TRIP13: variants seen among roughly 807,000 people sequenced by gnomAD.
TRIP13 encodes the protein pachytene checkpoint protein 2 homolog.
Under a neutral mutation model 54.4 loss-of-function variants are expected in TRIP13, and 25 were observed. The observed-to-expected ratio is 0.46, with a 90% CI of 0.33 to 0.64. TRIP13 has a LOEUF of 0.64. Ranked by LOEUF, TRIP13 falls within the 30% of genes least tolerant of loss-of-function variation. The probability of loss-of-function intolerance (pLI) is 0.02; values close to 1 mark genes in which losing one functional copy is unlikely to be tolerated. For missense variants in TRIP13, 373 were observed against 534.2 expected, an observed-to-expected ratio of 0.70 and a Z score of 2.97; for synonymous variants, 207 against 207.8, an observed-to-expected ratio of 1.00 and a Z score of 0.03.
intron 5 of TRIP13, among the ~76,000 whole-genome samples, chr5:903,035 C>T (rs774064321): frequency 1.9e-4 from 29 of 152,198 alleles, no homozygotes; most frequent in Non-Finnish European, 3.4e-4. Flanking sequence ...CACTGAAGCA[C>T]AGCATCACAG....
chr5:900,436 G>A (rs752775031), intron 3 of TRIP13, 58 bp from the exon 4 acceptor site: 25 of 1,567,640 alleles, frequency 1.6e-5, no homozygotes, highest in Non-Finnish European at 2.1e-5. Flanking sequence ...AGACTGACTG[G>A]GGGTGGCTGT....
chr5:908,232 C>T lies in TRIP13; in HGVS notation c.760-123C>T. ...CCTTTCCACCTTGCCGCAGCATCCG[C>T]AGGCTAGGCACGGGAACACCCATTC... On this transcript the variant is annotated intron_variant, in intron 8 of 12. Transcript: ENST00000166345. This position sits in a 1 kb window ranked among gnomAD's most constrained non-coding sequence, Gnocchi z 5.2. 2.1e-6 allele frequency: 3 copies of T among 1,402,350 alleles called. No individual in the cohort carries two copies. Among genetic ancestry groups the T allele is most frequent in the East Asian group, 2.3e-5 (1 of 43,530 alleles). 86.9% of individuals were successfully genotyped at this position (1,402,350 alleles called of 1,614,324 possible). A position where few individuals can be genotyped will look rare whatever the true frequency, so the allele number is the denominator to read the frequency against.
intron 9 of TRIP13, among the ~76,000 whole-genome samples, chr5:909,331 G>A (rs955402430): frequency 1.3e-4 from 20 of 152,198 alleles, no homozygotes; most frequent in African/African-American, 4.1e-4. Context: ...CAGGACTCAG[G>A]TTCCTTCTGT....
At chr5:916,957 C>A in intron 12 of TRIP13, 51 bp from the exon 13 acceptor site, 3 of 1,566,652 alleles carry the variant, frequency 1.9e-6, no homozygotes, top group South Asian at 1.1e-5. Flanking sequence ...TGCCAGATGG[C>A]CCCACCAAAC....
chr5:899,825 C>G (rs1351397183), intron 3 of TRIP13, among the ~76,000 whole-genome samples: 1 of 106,302 alleles, frequency 9.4e-6, no homozygotes, highest in Non-Finnish European at 1.7e-5. Flanking sequence ...TTTGGATGGG[C>G]TCTGGCAGGC....
intron 6 of TRIP13, among the ~76,000 whole-genome samples, chr5:905,759 C>T (rs1027282943): frequency 2.0e-5 from 3 of 152,324 alleles, no homozygotes; most frequent in Admixed American, 6.5e-5. Context: ...GTATGACTAG[C>T]GGAAATCCTG....
chr5:905,931 G>C (rs1165655479), intron 6 of TRIP13, among the ~76,000 whole-genome samples: 1 of 152,194 alleles, frequency 6.6e-6, no homozygotes, highest in African/African-American at 2.4e-5. Flanking sequence ...ATCTCTAGGG[G>C]CATGCCAGCA....
chr5:904,893 T>C (rs1754082095), intron 6 of TRIP13, among the ~76,000 whole-genome samples: 1 of 152,228 alleles, frequency 6.6e-6, no homozygotes. Context: ...AACCCCATAA[T>C]AGCTGTTTTA....
intron 6 of TRIP13, among the ~76,000 whole-genome samples, chr5:905,946 G>A (rs1006247095): frequency 2.0e-5 from 3 of 152,146 alleles, no homozygotes; most frequent in Non-Finnish European, 4.4e-5. Flanking sequence ...CCAGCATGGC[G>A]GCTCAATGCC....
chr5:909,428 G>A (rs938199544), intron 9 of TRIP13, among the ~76,000 whole-genome samples: 1 of 152,216 alleles, frequency 6.6e-6, no homozygotes, highest in Non-Finnish European at 1.5e-5. Context: ...ACAGCAGACT[G>A]AACTGTGCAG....
At position 896,746 on chromosome 5, in the gene TRIP13, G is replaced by A. The variant is rs1354193921; in HGVS notation, c.340G>A (p.Glu114Lys). Residue 114 changes from glutamate to lysine, a missense_variant, in exon 3 of 13, where the codon GAA (glutamate) becomes AAA (lysine). Glu to Lys is a moderately conservative substitution (Grantham distance 56). Around this residue, in one of 4 missense-constraint regions of TRIP13, gnomAD observed 151 missense variants for 151.9 expected, o/e 0.99. Transcript: ENST00000166345. The stretch of plus-strand genomic sequence containing the variant: ...TGGCCCCAGCAGTGAAAATCTGGAG[G>A]AAGAGACAGAAAACATAATTGCAGC... ...EDGPSSENLE[E>K]ETENIIAANH... 1.2e-6 allele frequency: 2 copies of A among 1,613,938 alleles called. No homozygotes were observed. Among genetic ancestry groups the A allele is most frequent in the Non-Finnish European group, 1.7e-6 (2 of 1,179,882 alleles).
In TRIP13 at chr5:907,125, C is replaced by A; in HGVS notation, c.609-5C>A. ...AATTCTCTCAACTCCTTTTTTCTAT[C>A]TCAGGTACCGATATGGCCAATTAAT... On this transcript the variant is annotated splice_polypyrimidine_tract_variant and splice_region_variant and intron_variant, in intron 6 of 12. Coordinates refer to ENST00000166345, the MANE Select transcript of TRIP13 (RefSeq NM_004237.4). The surrounding 1 kb of genome is among the most constrained non-coding windows in gnomAD (Gnocchi z 4.1). 1 of 1,613,500 alleles carries A rather than the reference C, an allele frequency of 6.2e-7. No homozygotes were observed. Among genetic ancestry groups the A allele is most frequent in the Admixed American group, 1.7e-5 (1 of 59,896 alleles).
chr5:896,879 T>C, intron 3 of TRIP13, 85 bp downstream of exon 3: 2 of 1,426,256 alleles, frequency 1.4e-6, no homozygotes, highest in Non-Finnish European at 9.4e-7. Flanking sequence ...GGGGGGGTTC[T>C]GTTTGTCCAT....
In TRIP13 at chr5:907,574, C is replaced by T. The variant is rs1754141287; in HGVS notation, c.672+381C>T. On this transcript the variant is annotated intron_variant, in intron 7 of 12. Coordinates refer to ENST00000166345, the MANE Select transcript of TRIP13 (RefSeq NM_004237.4). This position sits in a 1 kb window ranked among gnomAD's most constrained non-coding sequence, Gnocchi z 4.1. ...CTCTGAGGAGCTGTGCCCAAGTCACCTGGCATCCGCACATCCCTCTGGTGA... is the reference window on the plus strand; with the variant it reads ...CTCTGAGGAGCTGTGCCCAAGTCACTTGGCATCCGCACATCCCTCTGGTGA... 6.6e-6 allele frequency among the ~76,000 whole-genome samples: 1 copy of T among 152,240 alleles called. No homozygotes were observed. The highest frequency in any genetic ancestry group is 1.5e-5 in the Non-Finnish European group (1 of 68,040).
Position 907,361 on chromosome 5 carries a change from G to A in TRIP13, c.672+168G>A, listed in dbSNP as rs541255627. On this transcript the variant is annotated intron_variant, in intron 7 of 12. Transcript: ENST00000166345. This position sits in a 1 kb window ranked among gnomAD's most constrained non-coding sequence, Gnocchi z 4.1. ...GAAGGTTCCGGAGCTGGGGCCCTTGGGGACCCTCCCTTGGTTCTCCCCAGA... is the reference window on the plus strand; with the variant it reads ...GAAGGTTCCGGAGCTGGGGCCCTTGAGGACCCTCCCTTGGTTCTCCCCAGA... Among the ~76,000 whole-genome samples the A allele has an allele frequency of 4.0e-4, 61 of 152,322 alleles. No homozygotes were observed. Among genetic ancestry groups the A allele is most frequent in the African/African-American group, 1.4e-3 (60 of 41,552 alleles).
chr5:910,157 G>GC (rs1335744272), intron 9 of TRIP13, among the ~76,000 whole-genome samples: 1 of 152,116 alleles, frequency 6.6e-6, no homozygotes, highest in Non-Finnish European at 1.5e-5. Flanking sequence ...TCTGGCTCCT[G>GC]CCCCCGCCGC....
At position 912,019 on chromosome 5, in the gene TRIP13, C is replaced by G. The variant is rs775565009; in HGVS notation, c.1020+23C>G. ...AAGGTACCTTTATTTTTTTTTTCCT[C>G]TTGATACAAATGGATTTCTTATATG... On this transcript the variant is annotated intron_variant, in intron 10 of 12. Coordinates refer to ENST00000166345, the MANE Select transcript of TRIP13 (RefSeq NM_004237.4). The surrounding 1 kb of genome is among the most constrained non-coding windows in gnomAD (Gnocchi z 7.2). 1 of 1,595,180 alleles carries G rather than the reference C, an allele frequency of 6.3e-7. No individual in the cohort carries two copies. The highest frequency in any genetic ancestry group is 1.8e-5 in the Admixed American group (1 of 54,882).
chr5:914,504 C>G lies in TRIP13; in HGVS notation c.1060C>G (p.Arg354Gly), dbSNP rs376882637. ...CCCTCGCCAGCAGCTGCTGACCCTCCGAGAGCTAGAGATGATTGGCTTCAT... is the reference window on the plus strand; with the variant it reads ...CCCTCGCCAGCAGCTGCTGACCCTCGGAGAGCTAGAGATGATTGGCTTCAT... ...IYPRQQLLTL[R>G]ELEMIGFIEN... Residue 354 changes from arginine to glycine, a missense_variant, in exon 11 of 13, where the codon CGA (arginine) becomes GGA (glycine). This residue lies in a region of TRIP13 where 101 missense variants were observed against 138.5 expected (regional missense o/e 0.73). Coordinates refer to ENST00000166345, the MANE Select transcript of TRIP13 (RefSeq NM_004237.4). The G allele has an allele frequency of 6.2e-7, 1 of 1,613,522 alleles. No homozygotes were observed. The highest frequency in any genetic ancestry group is 8.5e-7 in the Non-Finnish European group (1 of 1,179,922).
intron 4 of TRIP13, 37 bp from the exon 5 acceptor site, chr5:901,304 G>T: frequency 1.9e-6 from 3 of 1,596,282 alleles, no homozygotes; most frequent in Non-Finnish European, 2.6e-6. Context: ...TTGCCTTGTT[G>T]GTATCTTTGT....
Sources: allele counts gnomAD v4.1 joint callset (sites outside exome capture counted in the v4.1 genomes callset), GRCh38; gene constraint gnomAD v4.1.1; regional missense constraint gnomAD v4.1.1; non-coding constraint Gnocchi (gnomAD v3.1); transcripts MANE v1.5; gene names NCBI Gene and HGNC (gene_info 2026-07-23, HGNC 2026-07-21).